The following CEP95 variants were observed in gnomAD, a reference collection of about 807,000 sequenced individuals.
CEP95 encodes centrosomal protein 95.
A neutral mutation model predicts 111.2 loss-of-function variants in CEP95; 98 were observed. That is an observed-to-expected ratio of 0.88 (90% confidence interval 0.75 to 1.04). CEP95 has a LOEUF of 1.04. CEP95 is among the 50% of genes least tolerant of loss of function. The pLI is 0.00. For synonymous variants in CEP95, 323 were observed against 327.1 expected (o/e 0.99, Z 0.14); for missense variants, 1,027 against 977.2 (o/e 1.05, Z -0.68).
intron 12 of CEP95, among the ~76,000 whole-genome samples, 190 bp downstream of exon 12, chr17:64,529,617 TA>T (rs1235426816): frequency 6.6e-6 from 1 of 152,026 alleles, no homozygotes; most frequent in African/African-American, 2.4e-5. Flanking sequence ...ATGAAACTCT[TA>T]AAAAAAATAA....
chr17:64,529,078 G>A (rs2144508131), intron 11 of CEP95, among the ~76,000 whole-genome samples: 1 of 152,302 alleles, frequency 6.6e-6, no homozygotes, highest in South Asian at 2.1e-4. Flanking sequence ...AAAGTTGAAT[G>A]TAGAAGCTAA....
chr17:64,537,817 C>T lies in CEP95; in HGVS notation c.*38C>T, dbSNP rs1030661385. Reference sequence around the variant, plus strand: ...TAATAGTAGGTGAAGGTTCTGGAGGCCTTTACCAGGACAGAGCTAGAATCG... The same window carrying T: ...TAATAGTAGGTGAAGGTTCTGGAGGTCTTTACCAGGACAGAGCTAGAATCG... On this transcript the variant is annotated 3_prime_UTR_variant, in exon 20 of 20. Transcript: ENST00000556440. The T allele has an allele frequency of 6.5e-6, 9 of 1,383,030 alleles. No individual in the cohort carries two copies. The South Asian group carries it at 7.6e-5, about 12-fold the overall frequency. The allele number at this position is 1,383,030 out of a possible 1,614,324, so 85.7% of individuals were successfully genotyped here. A position where few individuals can be genotyped will look rare whatever the true frequency, so the allele number is the denominator to read the frequency against.
intron 5 of CEP95, among the ~76,000 whole-genome samples, chr17:64,517,690 A>AT (rs782455302): frequency 0.054 from 6,716 of 124,504 alleles, 227 homozygotes; most frequent in African/African-American, 0.075. Context: ...CACCTGGCTA[A>AT]TTTTTTTTTT....
At chr17:64,527,352 T>A in intron 11 of CEP95, 88 bp downstream of exon 11, 1 of 995,350 alleles carries the variant, frequency 1.0e-6, no homozygotes, top group Non-Finnish European at 1.4e-6. Flanking sequence ...ATATTCTAAT[T>A]TTAAATAGTT....
At chr17:64,524,864 T>G (rs2144470503) in intron 8 of CEP95, among the ~76,000 whole-genome samples, 1 of 151,582 alleles carries the variant, frequency 6.6e-6, no homozygotes, top group South Asian at 2.1e-4. Context: ...CCAGCTACTC[T>G]GGAGGCTGAG....
At chr17:64,528,271 T>G (rs1968013794) in intron 11 of CEP95, among the ~76,000 whole-genome samples, 1 of 152,202 alleles carries the variant, frequency 6.6e-6, no homozygotes, top group African/African-American at 2.4e-5. Flanking sequence ...AGAAATAGTC[T>G]TTTTCTGATC....
At chr17:64,536,860 C>T (rs1968691903) in intron 18 of CEP95, 112 bp downstream of exon 18, 1 of 1,321,536 alleles carries the variant, frequency 7.6e-7, no homozygotes, top group East Asian at 2.3e-5. Flanking sequence ...GAAGTTTGCA[C>T]TCTACAGATT....
intron 5 of CEP95, among the ~76,000 whole-genome samples, chr17:64,517,042 ATTTTTCTTTT>A (rs1488662618): frequency 4.2e-4 from 63 of 151,782 alleles, no homozygotes; most frequent in African/African-American, 1.1e-3. Flanking sequence ...TCATTTTTAT[ATTTTTCTTTT>A]TTTTTCTTTT....
In CEP95 at chr17:64,534,697, T is replaced by A; in HGVS notation, c.2030T>A (p.Leu677Ter). The A allele has an allele frequency of 1.2e-6, 2 of 1,613,176 alleles. No homozygotes were observed. Among genetic ancestry groups the A allele is most frequent in the Non-Finnish European group, 1.7e-6 (2 of 1,179,510 alleles). The stretch of plus-strand genomic sequence containing the variant: ...TATTATGATGATTATAGAGTTCAGT[T>A]GTGTGCAAAAATGATGAGAATGAGG... ...RKYYDDYRVQ[L>*]CAKMMRMRTR... The change falls in exon 17 of 20, where the codon TTG becomes TAG. Residue 677 changes from leucine to a stop codon, truncating the protein, a stop_gained. Coordinates refer to ENST00000556440, the MANE Select transcript of CEP95 (RefSeq NM_138363.3). LOFTEE classifies it high-confidence loss of function.
intron 4 of CEP95, among the ~76,000 whole-genome samples, chr17:64,515,364 A>G (rs543840531): frequency 7.2e-5 from 11 of 152,376 alleles, no homozygotes; most frequent in African/African-American, 2.6e-4. Flanking sequence ...TATGCTGTGT[A>G]CCTTTCTAGT....
rs1228454671 is a variant in CEP95, at chr17:64,537,038, C to G, written c.2218-3C>G. On this transcript the variant is annotated splice_region_variant and splice_polypyrimidine_tract_variant and intron_variant, in intron 18 of 19. Transcript: ENST00000556440. ...TATTTGTTTTTTTTCTTCCTATAAA[C>G]AGTTTTCATTGCTGGCAGAAGCCAT... 6.2e-7 allele frequency: 1 copy of G among 1,608,742 alleles called. No homozygotes were observed. Among genetic ancestry groups the G allele is most frequent in the African/African-American group, 1.3e-5 (1 of 74,704 alleles).
At chr17:64,533,930 T>C (rs1463640323) in intron 16 of CEP95, 1 of 152,180 alleles carries the variant, frequency 6.6e-6, no homozygotes, top group African/African-American at 2.4e-5. Flanking sequence ...CGTTATAATT[T>C]TGACTAGGAA....
intron 16 of CEP95, among the ~76,000 whole-genome samples, chr17:64,533,651 C>T (rs1373223783): frequency 2.0e-5 from 3 of 152,096 alleles, no homozygotes; most frequent in South Asian, 2.1e-4. Context: ...GGAGGAAGAG[C>T]TAGGTACTTT....
intron 8 of CEP95, among the ~76,000 whole-genome samples, 152 bp downstream of exon 8, chr17:64,523,047 C>CT (rs1305004043): frequency 4.6e-5 from 7 of 152,116 alleles, no homozygotes; most frequent in African/African-American, 9.7e-5. Context: ...TTAAAGAAGT[C>CT]TGCTAGAATT....
chr17:64,519,123 A>G (rs1489599017), intron 5 of CEP95, among the ~76,000 whole-genome samples, 198 bp from the exon 6 acceptor site: 1 of 152,244 alleles, frequency 6.6e-6, no homozygotes, highest in Non-Finnish European at 1.5e-5. Context: ...GTTCTCCTAT[A>G]CATTTAATCG....
intron 11 of CEP95, among the ~76,000 whole-genome samples, chr17:64,528,777 ATGGTTTATTAGATCTCTTTGGCAGTG>A (rs1279060837): frequency 1.4e-4 from 22 of 152,348 alleles, no homozygotes; most frequent in Admixed American, 3.3e-4. Flanking sequence ...GTAGAAGGAA[ATGGTTTATTAGATCTCTTTGGCAGTG>A]TGCAATTAGG....
At chr17:64,533,033 T>C (rs1307390784) in intron 15 of CEP95, 25 bp downstream of exon 15, 3 of 1,606,716 alleles carry the variant, frequency 1.9e-6, no homozygotes, top group Admixed American at 1.7e-5. Flanking sequence ...GTCTTAAGCA[T>C]AGGAATTTAA....
upstream of CEP95, chr17:64,506,852 C>A: frequency 1.6e-6 from 1 of 609,256 alleles, no homozygotes; most frequent in Non-Finnish European, 3.0e-6. Flanking sequence ...GGGTTTTGGT[C>A]GGCGGAGAAT....
At chr17:64,532,149 A>C (rs1482559397) in intron 14 of CEP95, 127 bp downstream of exon 14, 8 of 1,368,756 alleles carry the variant, frequency 5.8e-6, no homozygotes, top group Non-Finnish European at 6.6e-6. Context: ...TTTTTTTCCC[A>C]ATCACTGCCA....
Sources: allele counts gnomAD v4.1 joint callset (sites outside exome capture counted in the v4.1 genomes callset), GRCh38; gene constraint gnomAD v4.1.1; transcripts MANE v1.5; gene names NCBI Gene and HGNC (gene_info 2026-07-23, HGNC 2026-07-21).